RBFOX1: variants seen among roughly 807,000 people sequenced by gnomAD.
The protein encoded by RBFOX1 is RNA binding fox-1 homolog 1.
In RBFOX1, 8 loss-of-function variants were observed where a neutral mutation model predicts 57.7. That is an observed-to-expected ratio of 0.14 (90% confidence interval 0.08 to 0.25). The LOEUF is 0.25. RBFOX1 is among the 10% of genes least tolerant of loss of function. RBFOX1 has a pLI of 1.00. For missense variants in RBFOX1, 611 were observed against 548.5 expected, an observed-to-expected ratio of 1.11 and a Z score of -1.14; for synonymous variants, 326 against 222.4, an observed-to-expected ratio of 1.47 and a Z score of -4.15.
chr16:5,956,661 TATATATATATATA>T lies in RBFOX1; in HGVS notation c.351+89327_351+89339del, dbSNP rs1567189739. On this transcript the variant is annotated intron_variant, in intron 4 of 19. Transcript: ENST00000641259. ...ACAAATATATATATATATATATTTA[TATATATATATATA>T]TATATTTTTTTTGAGGCACAGTCTC... Among the ~76,000 whole-genome samples the T allele has an allele frequency of 5.6e-3, 288 of 51,034 alleles. 1 individual carries two copies. Among genetic ancestry groups the T allele is most frequent in the African/African-American group, 0.021 (274 of 13,070 alleles). 33.5% of individuals were successfully genotyped at this position (51,034 alleles called of 152,430 possible).
intron 4 of RBFOX1, among the ~76,000 whole-genome samples, chr16:5,954,055 G>T (rs935011605): frequency 1.3e-5 from 2 of 152,158 alleles, no homozygotes; most frequent in Non-Finnish European, 2.9e-5. Context: ...AGAGGATGGG[G>T]CACTGCACAC....
chr16:7,304,025 C>G (rs1230116957), intron 4 of RBFOX1, among the ~76,000 whole-genome samples: 1 of 151,810 alleles, frequency 6.6e-6, no homozygotes, highest in Non-Finnish European at 1.5e-5. Context: ...GGCCCAACAA[C>G]CCAGAAAAGC....
chr16:7,153,482 A>G (rs368668076), intron 4 of RBFOX1, among the ~76,000 whole-genome samples: 27 of 152,018 alleles, frequency 1.8e-4, no homozygotes, highest in East Asian at 1.7e-3. Flanking sequence ...CACGTCTGTA[A>G]TCCCAGCACT....
At chr16:5,319,403 G>A (rs2064337671) in intron 1 of RBFOX1, among the ~76,000 whole-genome samples, 1 of 152,176 alleles carries the variant, frequency 6.6e-6, no homozygotes, top group Non-Finnish European at 1.5e-5. Context: ...GTCTCTGACT[G>A]TCTGCCCTCC....
chr16:7,469,752 A>G (rs920341676), intron 4 of RBFOX1, among the ~76,000 whole-genome samples: 3 of 152,134 alleles, frequency 2.0e-5, no homozygotes, highest in African/African-American at 7.2e-5. Context: ...AAGTATATTT[A>G]TATTGTTGTG....
chr16:7,437,732 A>G (rs991538179), intron 4 of RBFOX1, among the ~76,000 whole-genome samples: 19 of 152,150 alleles, frequency 1.2e-4, no homozygotes, highest in African/African-American at 4.3e-4. Flanking sequence ...CAGCTCTGAG[A>G]AGCATCTTTG....
At chr16:5,524,489 TC>T (rs1242994934) in intron 2 of RBFOX1, among the ~76,000 whole-genome samples, 6 of 152,058 alleles carry the variant, frequency 3.9e-5, no homozygotes, top group Non-Finnish European at 8.8e-5. Flanking sequence ...TATATTCCTT[TC>T]GGTTTATACC....
intron 3 of RBFOX1, among the ~76,000 whole-genome samples, chr16:5,762,949 T>A (rs76828146): frequency 5.1e-3 from 780 of 152,350 alleles, no homozygotes; most frequent in Non-Finnish European, 8.7e-3. Flanking sequence ...CAGTTATTGC[T>A]GAATAGTGAC....
At chr16:6,079,917 G>T (rs2095974224) in intron 1 of RBFOX1, among the ~76,000 whole-genome samples, 1 of 152,166 alleles carries the variant, frequency 6.6e-6, no homozygotes, top group Non-Finnish European at 1.5e-5. Context: ...AGTCCATTGA[G>T]AATTAATTTA....
intron 2 of RBFOX1, chr16:6,483,310 G>A: frequency 1.4e-6 from 2 of 1,404,732 alleles, no homozygotes; most frequent in Non-Finnish European, 1.8e-6. Context: ...TCGCGCCCGC[G>A]CGCTCGGGGC....
intron 4 of RBFOX1, among the ~76,000 whole-genome samples, chr16:5,889,853 C>T: frequency 6.6e-6 from 1 of 152,178 alleles, no homozygotes; most frequent in East Asian, 1.9e-4. Context: ...TTTTTAAAGA[C>T]ATGAATTCAC....
chr16:5,443,952 C>T (rs543501208), intron 1 of RBFOX1, among the ~76,000 whole-genome samples: 1 of 152,238 alleles, frequency 6.6e-6, no homozygotes, highest in South Asian at 2.1e-4. Flanking sequence ...GAGGAAGTGT[C>T]AGGCATGTCA....
intron 2 of RBFOX1, among the ~76,000 whole-genome samples, chr16:6,380,841 G>A (rs546575163): frequency 7.2e-5 from 11 of 152,260 alleles, no homozygotes; most frequent in African/African-American, 2.2e-4. Flanking sequence ...TGCCCAAAGC[G>A]CCTCCTTCCC....
chr16:7,542,003 A>C (rs2152471968), intron 5 of RBFOX1, among the ~76,000 whole-genome samples: 1 of 152,282 alleles, frequency 6.6e-6, no homozygotes, highest in Non-Finnish European at 1.5e-5. Flanking sequence ...CCGGCAGCTG[A>C]GGTTTTCCTT....
At chr16:5,450,611 G>A (rs1053926589) in intron 1 of RBFOX1, among the ~76,000 whole-genome samples, 2 of 152,144 alleles carry the variant, frequency 1.3e-5, no homozygotes, top group Admixed American at 1.3e-4. Context: ...TATGCAAATG[G>A]CTCCACAGGG....
chr16:5,949,642 T>G (rs2059479405), intron 4 of RBFOX1, among the ~76,000 whole-genome samples: 1 of 152,210 alleles, frequency 6.6e-6, no homozygotes, highest in African/African-American at 2.4e-5. Context: ...ACTCTTTTCT[T>G]GTTGGTCTTT....
chr16:6,714,123 T>C (rs2064282708), intron 3 of RBFOX1, among the ~76,000 whole-genome samples: 1 of 152,192 alleles, frequency 6.6e-6, no homozygotes, highest in Admixed American at 6.5e-5. Flanking sequence ...GTTTTATGAA[T>C]GGTAGTTTTT....
chr16:7,519,576 T>C, intron 5 of RBFOX1: 1 of 308,196 alleles, frequency 3.2e-6, no homozygotes, highest in Non-Finnish European at 4.7e-6. Flanking sequence ...AATTAAATAA[T>C]GTTCATTTGT....
intron 1 of RBFOX1, among the ~76,000 whole-genome samples, chr16:5,389,654 C>T (rs986821861): frequency 2.1e-4 from 32 of 151,650 alleles, no homozygotes; most frequent in African/African-American, 7.2e-4. Context: ...TCCTTTTTTG[C>T]TGCTTCTCTT....
Sources: allele counts gnomAD v4.1 joint callset (sites outside exome capture counted in the v4.1 genomes callset), GRCh38; gene constraint gnomAD v4.1.1; transcripts MANE v1.5; gene names NCBI Gene and HGNC (gene_info 2026-07-23, HGNC 2026-07-21).